Variants in IL1R2 observed in about 807,000 individuals in gnomAD.
The protein encoded by IL1R2 is interleukin 1 receptor type 2, also known as interleukin-1 receptor type 2.
A neutral mutation model predicts 39.5 loss-of-function variants in IL1R2; 46 were observed. The observed-to-expected ratio is 1.16, with a 90% CI of 0.92 to 1.49. The LOEUF (loss-of-function observed/expected upper bound fraction) is 1.49, where lower values mean the gene tolerates loss of function less well. Ranked by LOEUF, IL1R2 falls within the 40% of genes most tolerant of loss-of-function variation. The pLI is 0.00. For synonymous variants in IL1R2, 207 were observed against 189.6 expected (o/e 1.09, Z -0.75); for missense variants, 537 against 502.0 (o/e 1.07, Z -0.67).
At chr2:102,020,225 TA>T (rs1357144724) in intron 5 of IL1R2, among the ~76,000 whole-genome samples, 2 of 152,242 alleles carry the variant, frequency 1.3e-5, no homozygotes, top group African/African-American at 2.4e-5. Context: ...ACCAGAGAGC[TA>T]GCCTTGCACA....
chr2:102,002,716 G>GTCTATT (rs1553613482), intron 1 of IL1R2, among the ~76,000 whole-genome samples: 1 of 62,372 alleles, frequency 1.6e-5, no homozygotes, highest in African/African-American at 4.1e-5. Context: ...CTATGTCTAT[G>GTCTATT]TCTATGCCTA....
In IL1R2 at chr2:102,022,234, A is replaced by T; in HGVS notation, c.736A>T (p.Ile246Leu). ...TGTGATCATTTCCCCCCTCAAGACC[A>T]TATCAGCTTCTCTGGGTAAGGCCCA... ...IPVIISPLKT[I>L]SASLGSRLTI... The change falls in exon 6 of 9, where the codon ATA (isoleucine) becomes TTA (leucine). Residue 246 changes from isoleucine to leucine, a missense_variant. Coordinates refer to ENST00000332549, the MANE Select transcript of IL1R2 (RefSeq NM_004633.4). The T allele has an allele frequency of 6.2e-7, 1 of 1,613,724 alleles. No homozygotes were observed. Among genetic ancestry groups the T allele is most frequent in the East Asian group, 2.2e-5 (1 of 44,876 alleles).
intron 1 of IL1R2, among the ~76,000 whole-genome samples, chr2:101,999,719 T>C (rs988809394): frequency 2.6e-5 from 4 of 152,166 alleles, no homozygotes; most frequent in African/African-American, 4.8e-5. Flanking sequence ...AGTTAGTTAA[T>C]GGTAGAGTGA....
At chr2:101,993,518 A>G (rs1326573304) in intron 1 of IL1R2, among the ~76,000 whole-genome samples, 1 of 152,156 alleles carries the variant, frequency 6.6e-6, no homozygotes, top group Non-Finnish European at 1.5e-5. Flanking sequence ...CAACAGAAAC[A>G]GACTCAGGTG....
intron 1 of IL1R2, among the ~76,000 whole-genome samples, chr2:102,003,864 G>A (rs1431830634): frequency 1.4e-5 from 2 of 146,076 alleles, no homozygotes; most frequent in Non-Finnish European, 3.0e-5. Flanking sequence ...TGTGTCTGTG[G>A]CTGTGTCTGT....
chr2:101,995,976 C>T (rs1431413515), intron 1 of IL1R2, among the ~76,000 whole-genome samples: 4 of 152,238 alleles, frequency 2.6e-5, no homozygotes, highest in Non-Finnish European at 2.9e-5. Context: ...TTGACTGTGC[C>T]GTGCTGGCAG....
intron 1 of IL1R2, among the ~76,000 whole-genome samples, chr2:101,993,784 C>T (rs923190645): frequency 1.3e-5 from 2 of 152,174 alleles, no homozygotes; most frequent in African/African-American, 4.8e-5. Context: ...CTCCTCTACC[C>T]CCACCCACAA....
chr2:102,011,514 A>G (rs570476144), intron 3 of IL1R2, among the ~76,000 whole-genome samples: 2 of 152,324 alleles, frequency 1.3e-5, no homozygotes, highest in South Asian at 4.1e-4. Flanking sequence ...TTGTGTGCTT[A>G]TTAACCATCT....
intron 3 of IL1R2, among the ~76,000 whole-genome samples, chr2:102,011,837 G>A (rs928309970): frequency 6.6e-6 from 1 of 152,170 alleles, no homozygotes; most frequent in Non-Finnish European, 1.5e-5. Context: ...CCAATGTCAT[G>A]AAGGTTTTCC....
chr2:102,010,073 CCT>C, intron 3 of IL1R2: 1 of 530,224 alleles, frequency 1.9e-6, no homozygotes, highest in Non-Finnish European at 3.4e-6. Context: ...CTGACACCGC[CCT>C]CTGTCACTCT....
At chr2:102,012,098 C>T (rs539430205) in intron 3 of IL1R2, among the ~76,000 whole-genome samples, 116 of 152,300 alleles carry the variant, frequency 7.6e-4, no homozygotes, top group Admixed American at 7.1e-3. Context: ...TTCTTGGCTT[C>T]GTTCTTCTGA....
intron 1 of IL1R2, 74 bp from the exon 2 acceptor site, chr2:102,008,441 C>A: frequency 1.4e-6 from 1 of 728,134 alleles, no homozygotes; most frequent in African/African-American, 1.7e-5. Flanking sequence ...CCAGACCCTG[C>A]CCCTACCCCG....
chr2:102,025,362 G>C (rs1209531320), intron 7 of IL1R2, among the ~76,000 whole-genome samples: 2 of 152,214 alleles, frequency 1.3e-5, no homozygotes, highest in African/African-American at 4.8e-5. Context: ...CTTTCTGGAT[G>C]TAATTTAGTG....
chr2:101,998,327 G>T (rs1675687438), intron 1 of IL1R2, among the ~76,000 whole-genome samples: 1 of 152,138 alleles, frequency 6.6e-6, no homozygotes. Context: ...CTGCCTTAAT[G>T]GTTTTCCTGT....
chr2:102,011,198 A>G (rs1186354893), intron 3 of IL1R2, among the ~76,000 whole-genome samples: 4 of 152,216 alleles, frequency 2.6e-5, no homozygotes, highest in African/African-American at 9.7e-5. Context: ...CAATATGAAC[A>G]TGGATGTGAA....
At chr2:102,028,029 C>T (rs564672291) in intron 8 of IL1R2, among the ~76,000 whole-genome samples, 197 bp from the exon 9 acceptor site, 45 of 152,312 alleles carry the variant, frequency 3.0e-4, no homozygotes, top group African/African-American at 9.9e-4. Flanking sequence ...CTATCACGCT[C>T]GTTTCTCTAA....
intron 4 of IL1R2, among the ~76,000 whole-genome samples, chr2:102,018,220 G>T (rs1677131375): frequency 6.6e-6 from 1 of 152,160 alleles, no homozygotes; most frequent in Non-Finnish European, 1.5e-5. Context: ...ATAGGTGCAA[G>T]CCCCCAAGCC....
chr2:102,005,374 G>A (rs1481589493), intron 1 of IL1R2, among the ~76,000 whole-genome samples: 3 of 152,212 alleles, frequency 2.0e-5, no homozygotes, highest in Non-Finnish European at 2.9e-5. Flanking sequence ...CACAATGCCT[G>A]ACAGTACCTG....
chr2:102,008,917 A>G (rs1293406905), intron 2 of IL1R2, among the ~76,000 whole-genome samples: 1 of 151,168 alleles, frequency 6.6e-6, no homozygotes, highest in Non-Finnish European at 1.5e-5. Flanking sequence ...AGACCTGGCT[A>G]CTTGGGAGGC....
Sources: allele counts gnomAD v4.1 joint callset (sites outside exome capture counted in the v4.1 genomes callset), GRCh38; gene constraint gnomAD v4.1.1; transcripts MANE v1.5; gene names NCBI Gene and HGNC (gene_info 2026-07-23, HGNC 2026-07-21).